Variants in ACAP2 observed in about 807,000 individuals in gnomAD.
The protein encoded by ACAP2 is arf-GAP with coiled-coil, ANK repeat and PH domain-containing protein 2.
In ACAP2, 39 loss-of-function variants were observed where a neutral mutation model predicts 115.8. The ratio of observed to expected loss-of-function variants is 0.34; its 90% confidence interval spans 0.26 to 0.44. The LOEUF (loss-of-function observed/expected upper bound fraction) is 0.44. ACAP2 is among the 20% of genes least tolerant of loss of function. The probability of loss-of-function intolerance (pLI) is 1.00; values close to 1 mark genes in which losing one functional copy is unlikely to be tolerated. For synonymous variants in ACAP2, 289 were observed against 315.8 expected, an observed-to-expected ratio of 0.92 and a Z score of 0.90; for missense variants, 662 against 927.6, an observed-to-expected ratio of 0.71 and a Z score of 3.72.
chr3:195,441,737 G>A (rs1378850623), intron 1 of ACAP2: 5 of 152,176 alleles, frequency 3.3e-5, no homozygotes, highest in African/African-American at 1.2e-4. Flanking sequence ...CCTTATATTT[G>A]TAAGGACTAT....
intron 19 of ACAP2, among the ~76,000 whole-genome samples, 193 bp downstream of exon 19, chr3:195,292,072 C>A (rs948631429): frequency 6.6e-6 from 1 of 152,214 alleles, no homozygotes; most frequent in Non-Finnish European, 1.5e-5. Context: ...TATCGGAATT[C>A]TCTTCCACTG....
intron 5 of ACAP2, among the ~76,000 whole-genome samples, chr3:195,344,755 G>A (rs1168750759): frequency 6.6e-6 from 1 of 152,142 alleles, no homozygotes; most frequent in African/African-American, 2.4e-5. Context: ...CTGACCTCAG[G>A]TGATCCACCC....
At chr3:195,386,081 C>A (rs1030459819) in intron 2 of ACAP2, among the ~76,000 whole-genome samples, 1 of 152,194 alleles carries the variant, frequency 6.6e-6, no homozygotes, top group Non-Finnish European at 1.5e-5. Context: ...AGGACTGATA[C>A]ATGCTACAAC....
intron 1 of ACAP2, among the ~76,000 whole-genome samples, chr3:195,432,486 C>A (rs1055991008): frequency 1.6e-4 from 25 of 152,208 alleles, no homozygotes; most frequent in African/African-American, 5.5e-4. Context: ...TCTGTTAAAA[C>A]TGGCTCACCA....
intron 1 of ACAP2, among the ~76,000 whole-genome samples, chr3:195,415,821 T>C (rs1713675181): frequency 2.0e-5 from 3 of 152,022 alleles, no homozygotes; most frequent in Admixed American, 2.0e-4. Context: ...AGTCAGTAAA[T>C]TTTTTAAAAT....
chr3:195,315,702 C>G (rs1729043192), intron 10 of ACAP2, among the ~76,000 whole-genome samples: 1 of 152,310 alleles, frequency 6.6e-6, no homozygotes, highest in Middle Eastern at 3.4e-3. Context: ...TAGTCAATAA[C>G]TGCCATTTCA....
intron 1 of ACAP2, among the ~76,000 whole-genome samples, chr3:195,427,668 G>T (rs1305351744): frequency 5.3e-5 from 8 of 152,106 alleles, no homozygotes; most frequent in Non-Finnish European, 1.2e-4. Context: ...CTAGCACTTT[G>T]AGAGGCTGAG....
intron 1 of ACAP2, among the ~76,000 whole-genome samples, chr3:195,426,517 A>G (rs1714696288): frequency 6.6e-6 from 1 of 152,180 alleles, no homozygotes; most frequent in Admixed American, 6.5e-5. Context: ...TCAATAATCT[A>G]GAGAAGCAGG....
chr3:195,414,480 T>C (rs1713555024), intron 1 of ACAP2, among the ~76,000 whole-genome samples: 1 of 152,114 alleles, frequency 6.6e-6, no homozygotes, highest in Admixed American at 6.6e-5. Context: ...GCTGAAAACA[T>C]ATCCACACAA....
chr3:195,378,861 C>CAA (rs367815107), intron 4 of ACAP2, among the ~76,000 whole-genome samples: 10 of 70,786 alleles, frequency 1.4e-4, no homozygotes, highest in Middle Eastern at 7.5e-3. Context: ...ACTCTGTCTC[C>CAA]AAAAAAAAAA....
rs528995280 is a variant in ACAP2 at position 195,370,605 on chromosome 3, C to G, written c.285+10404G>C. ...TCTTCTCTGTTCCACTGGTCTGTGT[C>G]TGTTTCTGCTCCAGTACTATGCTGT... On this transcript the variant is annotated intron_variant, in intron 4 of 22. Coordinates refer to ENST00000326793, the MANE Select transcript of ACAP2 (RefSeq NM_012287.6). 1.4e-4 allele frequency among the ~76,000 whole-genome samples: 21 copies of G among 152,244 alleles called. No homozygotes were observed. The South Asian group carries it at 3.5e-3, about 26-fold the overall frequency.
At chr3:195,393,978 T>C (rs1293912396) in intron 1 of ACAP2, among the ~76,000 whole-genome samples, 1 of 151,998 alleles carries the variant, frequency 6.6e-6, no homozygotes, top group African/African-American at 2.4e-5. Flanking sequence ...CTCTGAAGAA[T>C]GGGGATTTGA....
chr3:195,377,138 C>A lies in ACAP2; in HGVS notation c.285+3871G>T, dbSNP rs997366028. Among the ~76,000 whole-genome samples the A allele has an allele frequency of 1.4e-4, 11 of 77,108 alleles. No homozygotes were observed. The South Asian group carries it at 3.1e-3, about 22-fold the overall frequency. The allele number at this position is 77,108 out of a possible 152,430, so 50.6% of individuals were successfully genotyped here. A position where few individuals can be genotyped will look rare whatever the true frequency, so the allele number is the denominator to read the frequency against. ...CATTTTACAGAGGAGGAATGTAAAT[C>A]TTTTTTTTTTTTTTTTTTTTTTTGG... On this transcript the variant is annotated intron_variant, in intron 4 of 22. Coordinates refer to ENST00000326793, the MANE Select transcript of ACAP2 (RefSeq NM_012287.6).
chr3:195,291,855 T>G, intron 19 of ACAP2, 40 bp from the exon 20 acceptor site: 1 of 1,526,514 alleles, frequency 6.6e-7, no homozygotes, highest in Non-Finnish European at 8.9e-7. Context: ...CAAAAGCAAA[T>G]AACAAGAAAC....
intron 4 of ACAP2, among the ~76,000 whole-genome samples, chr3:195,348,459 C>CA (rs1006791943): frequency 8.8e-4 from 131 of 148,942 alleles, no homozygotes; most frequent in African/African-American, 2.5e-3. Flanking sequence ...ACAAACTCTT[C>CA]AAAAAAAAAA....
chr3:195,314,838 C>A lies in ACAP2; in HGVS notation c.857+5863G>T, dbSNP rs372361927. Among the ~76,000 whole-genome samples the A allele has an allele frequency of 1.8e-4, 27 of 152,214 alleles. No homozygotes were observed. In the South Asian group the frequency reaches 5.6e-3, roughly 32 times the overall value. On this transcript the variant is annotated intron_variant, in intron 10 of 22. Transcript: ENST00000326793. Reference sequence around the variant, plus strand: ...AAGTCCAGTAAAATAAATTAAGCTGCGCAGAGAATTGGATTTTGAGATACT... The same window carrying A: ...AAGTCCAGTAAAATAAATTAAGCTGAGCAGAGAATTGGATTTTGAGATACT...
At chr3:195,358,786 G>A (rs967122009) in intron 4 of ACAP2, among the ~76,000 whole-genome samples, 1 of 151,968 alleles carries the variant, frequency 6.6e-6, no homozygotes, top group African/African-American at 2.4e-5. Context: ...TTATTCGAAA[G>A]GATAGTAACA....
At chr3:195,300,407 C>A (rs74694161) in intron 15 of ACAP2, among the ~76,000 whole-genome samples, 3,285 of 152,162 alleles carry the variant, frequency 0.022, 115 homozygotes, top group East Asian at 0.1. Flanking sequence ...CTATTTTCTA[C>A]AATATGGTAA....
intron 2 of ACAP2, 112 bp downstream of exon 2, chr3:195,391,976 CAG>C: frequency 1.3e-6 from 1 of 797,338 alleles, no homozygotes; most frequent in Non-Finnish European, 2.0e-6. Context: ...GCCTGGGCGA[CAG>C]AGTGAGACTC....
Sources: gnomAD v4.1 joint callset for allele counts (sites outside exome capture counted in the v4.1 genomes callset) on GRCh38, gnomAD v4.1.1 for gene constraint, MANE v1.5 for transcripts, NCBI Gene and HGNC (gene_info 2026-07-23, HGNC 2026-07-21) for gene names.